Variants in SHROOM3 observed in about 807,000 individuals in gnomAD.
The protein encoded by SHROOM3 is shroom family member 3, also known as protein Shroom3.
In SHROOM3, 47 loss-of-function variants were observed where a neutral mutation model predicts 138.6. That is an observed-to-expected ratio of 0.34 (90% CI 0.27 to 0.43). SHROOM3 has a LOEUF of 0.43. SHROOM3 is among the 20% of genes least tolerant of loss of function. The pLI, the probability that SHROOM3 is intolerant of heterozygous loss-of-function variation, is 1.00. For missense variants in SHROOM3, 2,491 were observed against 2,596.5 expected, an observed-to-expected ratio of 0.96 and a Z score of 0.88; for synonymous variants, 1,062 against 1,063.3, an observed-to-expected ratio of 1.00 and a Z score of 0.02.
At chr4:76,536,337 C>T (rs4859450) in intron 1 of SHROOM3, among the ~76,000 whole-genome samples, 102,854 of 152,008 alleles carry the variant, frequency 0.68, 35,166 homozygotes, top group East Asian at 0.94. Flanking sequence ...TAACCCTCAG[C>T]TGAGCATATA....
chr4:76,646,227 T>TAAATAAATAA lies in SHROOM3; in HGVS notation c.324-63928_324-63927insAATAAATAAA, dbSNP rs1414512165. Among the ~76,000 whole-genome samples the TAAATAAATAA allele has an allele frequency of 6.1e-5, 8 of 130,502 alleles. 1 individual carries two copies. Among genetic ancestry groups the TAAATAAATAA allele is most frequent in the South Asian group, 5.1e-4 (2 of 3,942 alleles). 85.6% of individuals were successfully genotyped at this position (130,502 alleles called of 152,430 possible). A position where few individuals can be genotyped will look rare whatever the true frequency, so the allele number is the denominator to read the frequency against. On this transcript the variant is annotated intron_variant, in intron 2 of 10. Coordinates refer to ENST00000296043, the MANE Select transcript of SHROOM3 (RefSeq NM_020859.4). ...TAGAACTTAAAGTATAATAAATAAA[T>TAAATAAATAA]ATATATATATATATATATATAAAAT...
chr4:76,584,641 C>G (rs374166938), intron 2 of SHROOM3, among the ~76,000 whole-genome samples: 7 of 152,248 alleles, frequency 4.6e-5, no homozygotes, highest in African/African-American at 9.6e-5. Flanking sequence ...TTCGTCATTC[C>G]GCATAGTGGA....
intron 10 of SHROOM3, among the ~76,000 whole-genome samples, 185 bp from the exon 11 acceptor site, chr4:76,778,624 G>A (rs1406398016): frequency 6.6e-6 from 1 of 152,210 alleles, no homozygotes; most frequent in Non-Finnish European, 1.5e-5. Flanking sequence ...TTACAATTTA[G>A]AGAATGCTGT....
chr4:76,591,137 T>TA (rs1734265015), intron 2 of SHROOM3, among the ~76,000 whole-genome samples: 1 of 152,294 alleles, frequency 6.6e-6, no homozygotes, highest in Middle Eastern at 3.4e-3. Context: ...AAATGATAAA[T>TA]ACATGAAGCC....
At chr4:76,758,700 A>T (rs1002178748) in intron 8 of SHROOM3, 5 of 152,184 alleles carry the variant, frequency 3.3e-5, no homozygotes, top group African/African-American at 9.6e-5. Context: ...ATCAAGCAGG[A>T]AACTAGTAAA....
intron 9 of SHROOM3, among the ~76,000 whole-genome samples, chr4:76,769,645 T>C (rs1393230805): frequency 6.6e-6 from 1 of 152,216 alleles, no homozygotes; most frequent in Non-Finnish European, 1.5e-5. Context: ...GCTGACTTTC[T>C]GATAAAGGTC....
rs202080652 is a variant in SHROOM3 at position 76,693,397 on chromosome 4, G to A, written c.324-16759G>A. Among the ~76,000 whole-genome samples the A allele has an allele frequency of 1.0e-3, 23 of 22,554 alleles. No homozygotes were observed. In the East Asian group the frequency reaches 0.029, roughly 29 times the overall value. 14.8% of individuals were successfully genotyped at this position (22,554 alleles called of 152,430 possible). On this transcript the variant is annotated intron_variant, in intron 2 of 10. Transcript: ENST00000296043. ...TTTTTTTTTTTTTTTTTTTTTTAAAGCAACAAGACAGAGTCTTGCTGTGTT... is the reference window on the plus strand; with the variant it reads ...TTTTTTTTTTTTTTTTTTTTTTAAAACAACAAGACAGAGTCTTGCTGTGTT...
intron 1 of SHROOM3, among the ~76,000 whole-genome samples, chr4:76,449,349 GT>G: frequency 6.6e-6 from 1 of 152,136 alleles, no homozygotes; most frequent in South Asian, 2.1e-4. Context: ...ATACATAACT[GT>G]TTTTTTAAGT....
chr4:76,653,105 A>G (rs1340307115), intron 2 of SHROOM3, among the ~76,000 whole-genome samples: 1 of 152,086 alleles, frequency 6.6e-6, no homozygotes, highest in African/African-American at 2.4e-5. Context: ...TATTATGAAG[A>G]ATTGCTCAGT....
chr4:76,742,367 G>C (rs1721291532), intron 5 of SHROOM3, among the ~76,000 whole-genome samples: 1 of 151,852 alleles, frequency 6.6e-6, no homozygotes. Flanking sequence ...GATTGACATT[G>C]ATAGTCATTG....
chr4:76,596,995 G>C (rs1265204016), intron 2 of SHROOM3, among the ~76,000 whole-genome samples: 2 of 152,132 alleles, frequency 1.3e-5, no homozygotes, highest in African/African-American at 2.4e-5. Context: ...GGAAGAGCTG[G>C]TCTAGCCTCA....
chr4:76,485,939 T>C lies in SHROOM3; in HGVS notation c.168+49719T>C, dbSNP rs547710618. Among the ~76,000 whole-genome samples the C allele has an allele frequency of 1.7e-3, 258 of 152,328 alleles. 1 individual carries two copies. The highest frequency in any genetic ancestry group is 5.9e-3 in the African/African-American group (247 of 41,578). ...CTCATCTGCATAGATCCTAATATGA[T>C]CATAGCTTGGCCATTTCCATTTTTT... On this transcript the variant is annotated intron_variant, in intron 1 of 10. Transcript: ENST00000296043.
chr4:76,761,888 C>T (rs903160411), intron 9 of SHROOM3, among the ~76,000 whole-genome samples: 1 of 152,098 alleles, frequency 6.6e-6, no homozygotes, highest in Non-Finnish European at 1.5e-5. Context: ...GCACCTAGCA[C>T]GTGCTCAATA....
At chr4:76,714,200 T>A (rs1054906647) in intron 3 of SHROOM3, among the ~76,000 whole-genome samples, 2 of 152,214 alleles carry the variant, frequency 1.3e-5, no homozygotes, top group African/African-American at 4.8e-5. Context: ...TAACTTTATA[T>A]AAACTATAAA....
At chr4:76,710,453 A>C (rs1453524124) in intron 3 of SHROOM3, among the ~76,000 whole-genome samples, 166 bp downstream of exon 3, 2 of 152,168 alleles carry the variant, frequency 1.3e-5, no homozygotes, top group African/African-American at 4.8e-5. Context: ...CAGAGTTTAG[A>C]AGGATACTGA....
chr4:76,715,569 C>T (rs1294401320), intron 3 of SHROOM3, among the ~76,000 whole-genome samples: 1 of 152,208 alleles, frequency 6.6e-6, no homozygotes, highest in Non-Finnish European at 1.5e-5. Context: ...TCTCCATAAG[C>T]TTCTCATTCC....
chr4:76,726,563 A>T (rs74391069), intron 3 of SHROOM3, among the ~76,000 whole-genome samples: 1 of 149,942 alleles, frequency 6.7e-6, no homozygotes, highest in East Asian at 1.9e-4. Flanking sequence ...AAAAAAAAAA[A>T]TTTAAGAGAC....
chr4:76,636,555 T>G (rs1735500466), intron 2 of SHROOM3, among the ~76,000 whole-genome samples: 1 of 152,250 alleles, frequency 6.6e-6, no homozygotes, highest in South Asian at 2.1e-4. Context: ...TCAACACTGT[T>G]TCACTATAAA....
intron 9 of SHROOM3, among the ~76,000 whole-genome samples, chr4:76,763,093 C>G (rs1481848983): frequency 6.6e-6 from 1 of 152,090 alleles, no homozygotes; most frequent in Non-Finnish European, 1.5e-5. Context: ...AATAAAAAAT[C>G]ACCAAGCTTA....
Sources: gnomAD v4.1 joint callset for allele counts (sites outside exome capture counted in the v4.1 genomes callset) on GRCh38, gnomAD v4.1.1 for gene constraint, MANE v1.5 for transcripts, NCBI Gene and HGNC (gene_info 2026-07-23, HGNC 2026-07-21) for gene names.